PTPRM: variants seen among roughly 807,000 people sequenced by gnomAD.
The protein encoded by PTPRM is receptor-type tyrosine-protein phosphatase mu.
A neutral mutation model predicts 186.7 loss-of-function variants in PTPRM; 47 were observed. That is an observed-to-expected ratio of 0.25 (90% CI 0.20 to 0.32). The LOEUF (loss-of-function observed/expected upper bound fraction) is 0.32. Among genes scored for constraint, PTPRM ranks in the 10% least tolerant of loss-of-function variants. The probability of loss-of-function intolerance (pLI) is 1.00; values close to 1 mark genes in which losing one functional copy is unlikely to be tolerated. For synonymous variants in PTPRM, 668 were observed against 674.9 expected, an observed-to-expected ratio of 0.99 and a Z score of 0.16; for missense variants, 1,494 against 1,865.0, an observed-to-expected ratio of 0.80 and a Z score of 3.66.
chr18:7,763,236 A>G (rs1197368247), intron 1 of PTPRM, among the ~76,000 whole-genome samples: 1 of 152,194 alleles, frequency 6.6e-6, no homozygotes, highest in African/African-American at 2.4e-5. Context: ...AAGCATGAAA[A>G]TTATTTGGAC....
intron 2 of PTPRM, among the ~76,000 whole-genome samples, chr18:7,840,345 A>G (rs1326101270): frequency 2.0e-5 from 3 of 152,202 alleles, no homozygotes; most frequent in Admixed American, 6.5e-5. Context: ...GAAAAAAGGT[A>G]TATGTGTGAT....
intron 23 of PTPRM, among the ~76,000 whole-genome samples, chr18:8,356,675 G>A (rs2095564893): frequency 6.6e-6 from 1 of 152,168 alleles, no homozygotes; most frequent in Non-Finnish European, 1.5e-5. Context: ...CTCTTCTCTG[G>A]GGAGAAGGTA....
At chr18:8,142,028 T>A (rs1329435426) in intron 13 of PTPRM, among the ~76,000 whole-genome samples, 1 of 152,214 alleles carries the variant, frequency 6.6e-6, no homozygotes, top group East Asian at 1.9e-4. Flanking sequence ...CCTGGTGATA[T>A]GTTCCAATAG....
chr18:8,169,971 A>G (rs1254706969), intron 14 of PTPRM, among the ~76,000 whole-genome samples: 4 of 152,222 alleles, frequency 2.6e-5, no homozygotes, highest in African/African-American at 9.6e-5. Flanking sequence ...TTAAAGAGCT[A>G]GAAAGAGTCT....
intron 7 of PTPRM, among the ~76,000 whole-genome samples, chr18:7,959,884 G>T (rs2053552970): frequency 6.6e-6 from 1 of 152,184 alleles, no homozygotes; most frequent in Non-Finnish European, 1.5e-5. Flanking sequence ...TTCCAACTTT[G>T]CAGTTCAGCT....
chr18:7,627,053 G>A (rs1246149434), intron 1 of PTPRM, among the ~76,000 whole-genome samples: 2 of 151,890 alleles, frequency 1.3e-5, no homozygotes, highest in Non-Finnish European at 2.9e-5. Flanking sequence ...CCAAGCAGAG[G>A]GACTTCCCTG....
At chr18:8,170,721 T>C (rs2093387607) in intron 14 of PTPRM, among the ~76,000 whole-genome samples, 1 of 152,224 alleles carries the variant, frequency 6.6e-6, no homozygotes, top group Non-Finnish European at 1.5e-5. Context: ...GTCCAGGCAC[T>C]TTAATTTTGT....
At chr18:7,796,254 G>A (rs1166788817) in intron 2 of PTPRM, among the ~76,000 whole-genome samples, 4 of 152,050 alleles carry the variant, frequency 2.6e-5, no homozygotes, top group African/African-American at 9.7e-5. Flanking sequence ...CAGTGCCTGT[G>A]GATGGCAGGT....
intron 7 of PTPRM, among the ~76,000 whole-genome samples, chr18:7,983,644 A>G (rs9956344): frequency 0.086 from 13,054 of 152,108 alleles, 1,498 homozygotes; most frequent in African/African-American, 0.27. Flanking sequence ...GATTTTAAAC[A>G]TTTAAGTAAC....
At chr18:8,343,932 T>C (rs1014819899) in intron 23 of PTPRM, among the ~76,000 whole-genome samples, 2 of 152,326 alleles carry the variant, frequency 1.3e-5, no homozygotes, top group African/African-American at 4.8e-5. Context: ...TCCAGCATCT[T>C]CTCTTGCTTA....
intron 1 of PTPRM, among the ~76,000 whole-genome samples, chr18:7,695,025 T>G (rs904741041): frequency 2.6e-5 from 4 of 152,176 alleles, no homozygotes; most frequent in African/African-American, 9.7e-5. Flanking sequence ...GGCTTGTTGT[T>G]ATCCCCATTT....
chr18:7,982,520 CTT>C (rs74271309), intron 7 of PTPRM, among the ~76,000 whole-genome samples: 5 of 143,232 alleles, frequency 3.5e-5, no homozygotes, highest in Admixed American at 1.4e-4. Flanking sequence ...TCACAGTTAA[CTT>C]TTTTTTTTTT....
chr18:7,677,697 C>T (rs1053482452), intron 1 of PTPRM, among the ~76,000 whole-genome samples: 4 of 152,112 alleles, frequency 2.6e-5, no homozygotes, highest in South Asian at 4.1e-4. Flanking sequence ...ATGGGCATCA[C>T]GCTCCCCCTC....
chr18:7,725,210 A>G (rs138500278), intron 1 of PTPRM, among the ~76,000 whole-genome samples: 1 of 152,282 alleles, frequency 6.6e-6, no homozygotes, highest in Non-Finnish European at 1.5e-5. Flanking sequence ...CTGAAATTGT[A>G]CAGAGTATCA....
intron 1 of PTPRM, among the ~76,000 whole-genome samples, chr18:7,655,697 C>G (rs2038830468): frequency 6.6e-6 from 1 of 152,192 alleles, no homozygotes; most frequent in Non-Finnish European, 1.5e-5. Context: ...TGGAATATTA[C>G]TCAATGCTAA....
chr18:7,711,043 G>A (rs1199783073), intron 1 of PTPRM, among the ~76,000 whole-genome samples: 1 of 152,156 alleles, frequency 6.6e-6, no homozygotes, highest in Non-Finnish European at 1.5e-5. Context: ...AATCTCTCAA[G>A]ATGGCCAAAT....
intron 2 of PTPRM, among the ~76,000 whole-genome samples, chr18:7,872,971 G>A (rs2146201513): frequency 6.6e-6 from 1 of 152,162 alleles, no homozygotes; most frequent in South Asian, 2.1e-4. Context: ...AGAGATCCAG[G>A]GGTTTATTTA....
intron 14 of PTPRM, among the ~76,000 whole-genome samples, chr18:8,242,633 A>C (rs55916964): frequency 6.6e-6 from 1 of 152,026 alleles, no homozygotes; most frequent in Non-Finnish European, 1.5e-5. Context: ...GTTTAAAAAT[A>C]TGTCTCTTTT....
chr18:8,264,393 A>G (rs1018804785), intron 19 of PTPRM, among the ~76,000 whole-genome samples: 10 of 152,166 alleles, frequency 6.6e-5, no homozygotes, highest in African/African-American at 1.7e-4. Context: ...TGGACTTTCC[A>G]TAAGTCTTGC....
Sources: allele counts gnomAD v4.1 joint callset (sites outside exome capture counted in the v4.1 genomes callset), GRCh38; gene constraint gnomAD v4.1.1; transcripts MANE v1.5; gene names NCBI Gene and HGNC (gene_info 2026-07-23, HGNC 2026-07-21).